Variants in EYS observed in about 807,000 individuals in gnomAD.
EYS encodes the protein protein eyes shut homolog.
EYS carries 250 observed loss-of-function variants against 282.1 expected under a neutral mutation model. The observed-to-expected ratio is 0.89, with a 90% CI of 0.80 to 0.98. The LOEUF (loss-of-function observed/expected upper bound fraction) is 0.98. Among genes scored for constraint, EYS ranks in the 50% least tolerant of loss-of-function variants. The pLI is 0.00. For synonymous variants in EYS, 1,355 were observed against 1,282.9 expected (o/e 1.06, Z -1.20); for missense variants, 4,016 against 3,709.0 (o/e 1.08, Z -2.15).
At chr6:65,336,573 T>C (rs1189580193) in intron 10 of EYS, among the ~76,000 whole-genome samples, 18 of 151,582 alleles carry the variant, frequency 1.2e-4, no homozygotes. Context: ...GGAAATAGCA[T>C]TGTATTGATA....
chr6:64,667,936 C>G (rs767341563), intron 22 of EYS, among the ~76,000 whole-genome samples: 4 of 152,124 alleles, frequency 2.6e-5, no homozygotes, highest in African/African-American at 4.8e-5. Context: ...TAGCATGCAT[C>G]ATAACATCTG....
intron 31 of EYS, among the ~76,000 whole-genome samples, chr6:64,116,703 C>T (rs115841025): frequency 0.024 from 3,612 of 152,078 alleles, 127 homozygotes; most frequent in African/African-American, 0.082. Flanking sequence ...GTTTTAAAGA[C>T]AACATAGACT....
chr6:63,974,552 C>T (rs1766742281), intron 35 of EYS, among the ~76,000 whole-genome samples: 1 of 151,912 alleles, frequency 6.6e-6, no homozygotes, highest in African/African-American at 2.4e-5. Flanking sequence ...GTATTATTAC[C>T]TAAGGGTAGA....
intron 26 of EYS, among the ~76,000 whole-genome samples, chr6:64,505,299 A>AT (rs927563129): frequency 5.3e-5 from 8 of 151,518 alleles, no homozygotes; most frequent in Admixed American, 3.9e-4. Flanking sequence ...TGTGGCTTTT[A>AT]TTTTCTGTTT....
chr6:65,471,017 A>G (rs1413417081), intron 5 of EYS, among the ~76,000 whole-genome samples: 1 of 151,878 alleles, frequency 6.6e-6, no homozygotes, highest in Non-Finnish European at 1.5e-5. Context: ...CGCACCTGTA[A>G]TCCCAACTAC....
chr6:63,721,813 CAG>C lies in EYS; in HGVS notation c.8234-18_8234-17del. 2 of 1,530,298 alleles carry C rather than the reference CAG, an allele frequency of 1.3e-6. No homozygotes were observed. The highest frequency in any genetic ancestry group is 1.8e-6 in the Non-Finnish European group (2 of 1,137,452). The allele number at this position is 1,530,298 out of a possible 1,614,324, so 94.8% of individuals were successfully genotyped here. A position where few individuals can be genotyped will look rare whatever the true frequency, so the allele number is the denominator to read the frequency against. On this transcript the variant is annotated splice_polypyrimidine_tract_variant and intron_variant, in intron 42 of 42. Coordinates refer to ENST00000503581, the MANE Select transcript of EYS (RefSeq NM_001142800.2). The stretch of plus-strand genomic sequence containing the variant: ...AAAAAATCACCTGCAAGAAAGCAAA[CAG>C]TAAGTTTGATTAGCAACAGTAAAAG...
rs191739424 is a variant in EYS, at chr6:64,931,119, G to A, written c.2381+14674C>T. Reference sequence around the variant, plus strand: ...TTAGAGAGATGAGCACATATAGGTAGTTCAGTAACTTAGGACACACAAATC... The same window carrying A: ...TTAGAGAGATGAGCACATATAGGTAATTCAGTAACTTAGGACACACAAATC... On this transcript the variant is annotated intron_variant, in intron 15 of 42. Transcript: ENST00000503581. Among the ~76,000 whole-genome samples the A allele has an allele frequency of 5.3e-5, 8 of 152,210 alleles. No individual in the cohort carries two copies. In the East Asian group the frequency reaches 1.5e-3, roughly 29 times the overall value.
intron 41 of EYS, among the ~76,000 whole-genome samples, chr6:63,729,887 C>T (rs541510984): frequency 9.2e-5 from 14 of 152,304 alleles, no homozygotes; most frequent in Middle Eastern, 3.4e-3. Context: ...AATACCTATA[C>T]ATATGATAAC....
intron 2 of EYS, among the ~76,000 whole-genome samples, chr6:65,614,765 A>G (rs973439183): frequency 7.9e-5 from 12 of 152,166 alleles, no homozygotes; most frequent in African/African-American, 2.9e-4. Context: ...TAGAGGCAAA[A>G]TGGTTAATGA....
At position 64,823,386 on chromosome 6, in the gene EYS, C is replaced by T. The variant is rs772513839; in HGVS notation, c.2993-564G>A. On this transcript the variant is annotated intron_variant, in intron 19 of 42. Coordinates refer to ENST00000503581, the MANE Select transcript of EYS (RefSeq NM_001142800.2). Reference sequence around the variant, plus strand: ...GGTACCAAGCCAAAAAATAAACTTCCTGTTCACACAAAAACGTTTTTAGGG... The same window carrying T: ...GGTACCAAGCCAAAAAATAAACTTCTTGTTCACACAAAAACGTTTTTAGGG... 5.3e-5 allele frequency among the ~76,000 whole-genome samples: 8 copies of T among 151,740 alleles called. No homozygotes were observed. The South Asian group carries it at 6.2e-4, about 12-fold the overall frequency.
chr6:65,543,757 A>G (rs973438616), intron 2 of EYS, among the ~76,000 whole-genome samples: 1 of 152,168 alleles, frequency 6.6e-6, no homozygotes, highest in Non-Finnish European at 1.5e-5. Context: ...CTTTTGCTCT[A>G]ACATTGTGAA....
chr6:65,499,260 T>A (rs1332150094), intron 2 of EYS, among the ~76,000 whole-genome samples: 1 of 151,986 alleles, frequency 6.6e-6, no homozygotes, highest in African/African-American at 2.4e-5. Context: ...AACAAGGTAA[T>A]AAGTTTAAAC....
At chr6:65,144,688 A>T (rs1423782090) in intron 12 of EYS, among the ~76,000 whole-genome samples, 5 of 152,042 alleles carry the variant, frequency 3.3e-5, no homozygotes, top group African/African-American at 4.8e-5. Context: ...ATTAGAATAA[A>T]TTTTTTTAAA....
intron 36 of EYS, chr6:63,822,625 A>C (rs1290678233): frequency 6.6e-6 from 1 of 152,248 alleles, no homozygotes; most frequent in Non-Finnish European, 1.5e-5. Context: ...CAGCTGTGCT[A>C]TTAAGAAAAG....
intron 29 of EYS, among the ~76,000 whole-genome samples, chr6:64,348,859 C>T (rs1452128081): frequency 6.6e-6 from 1 of 151,308 alleles, no homozygotes; most frequent in Non-Finnish European, 1.5e-5. Context: ...ATTTACCATC[C>T]TTTTACCAAT....
intron 12 of EYS, among the ~76,000 whole-genome samples, chr6:65,162,062 TAC>T (rs554779630): frequency 2.0e-5 from 3 of 151,248 alleles, no homozygotes; most frequent in Non-Finnish European, 3.0e-5. Context: ...TTGCAAGGAA[TAC>T]ACAGTTACAG....
At chr6:64,511,353 ATAGT>A (rs933873637) in intron 26 of EYS, among the ~76,000 whole-genome samples, 3 of 150,986 alleles carry the variant, frequency 2.0e-5, no homozygotes, top group Non-Finnish European at 2.9e-5. Flanking sequence ...CATATTAAAA[ATAGT>A]TTGTTTGCTT....
At chr6:65,044,963 C>T (rs552210243) in intron 13 of EYS, among the ~76,000 whole-genome samples, 1 of 151,838 alleles carries the variant, frequency 6.6e-6, no homozygotes, top group African/African-American at 2.4e-5. Context: ...TGAAGGTAGC[C>T]CTCAGGTGAA....
At chr6:64,795,416 G>A (rs986697374) in intron 22 of EYS, among the ~76,000 whole-genome samples, 1 of 151,936 alleles carries the variant, frequency 6.6e-6, no homozygotes, top group Non-Finnish European at 1.5e-5. Flanking sequence ...CACCATTCTT[G>A]GTTGGACAAA....
Sources: gnomAD v4.1 joint callset for allele counts (sites outside exome capture counted in the v4.1 genomes callset) on GRCh38, gnomAD v4.1.1 for gene constraint, MANE v1.5 for transcripts, NCBI Gene and HGNC (gene_info 2026-07-23, HGNC 2026-07-21) for gene names.